CP: variants seen among roughly 807,000 people sequenced by gnomAD.
CP encodes the protein caeruloplasmin.
CP carries 64 observed loss-of-function variants against 122.4 expected under a neutral mutation model. The ratio of observed to expected loss-of-function variants is 0.52; its 90% CI spans 0.43 to 0.64. The LOEUF (loss-of-function observed/expected upper bound fraction) is 0.64. Ranked by LOEUF, CP falls within the 30% of genes least tolerant of loss-of-function variation. The probability of loss-of-function intolerance (pLI) is 0.00; values close to 1 mark genes in which losing one functional copy is unlikely to be tolerated. For missense variants in CP, 1,167 were observed against 1,284.4 expected, an observed-to-expected ratio of 0.91 and a Z score of 1.40; for synonymous variants, 440 against 436.4, an observed-to-expected ratio of 1.01 and a Z score of -0.10.
rs747953840 is a variant in CP at position 149,212,456 on chromosome 3, T to C, written c.389A>G (p.His130Arg). ...GCTACATGAGCTGAACTTACCCTCA[T>C]GTTCCTTATAGTAAGTTATTCCATG... ...HSHGITYYKE[H>R]EGAIYPDNTT... The change falls in exon 2 of 19, where the codon CAT (histidine) becomes CGT (arginine). Residue 130 changes from histidine (H) to arginine (R), a missense_variant. Physicochemically the swap from His to Arg is conservative, Grantham distance 29. Coordinates refer to ENST00000264613, the MANE Select transcript of CP (RefSeq NM_000096.4). 1.2e-6 allele frequency: 2 copies of C among 1,613,986 alleles called. No homozygotes were observed. Among genetic ancestry groups the C allele is most frequent in the South Asian group, 1.1e-5 (1 of 91,032 alleles).
In CP at chr3:149,206,188, T is replaced by C. The variant is rs928128624; in HGVS notation, c.1188A>G (p.Glu396=). ...APSGIDIFTK[E]NLTAPGSDSA... is the part of the protein sequence containing the mutation. ...ATTACCTTCCAGGTGCTGTTAAGTT[T>C]TCTTTAGTGAAGATGTCTATACCAG... Residue 396 remains glutamate, a synonymous_variant, in exon 6 of 19, where the codon GAA becomes GAG. Transcript: ENST00000264613. 4.3e-6 allele frequency: 7 copies of C among 1,613,878 alleles called. No homozygotes were observed. The highest frequency in any genetic ancestry group is 5.9e-6 in the Non-Finnish European group (7 of 1,179,858).
intron 4 of CP, among the ~76,000 whole-genome samples, chr3:149,208,735 C>T (rs1318949419): frequency 6.6e-6 from 1 of 152,072 alleles, no homozygotes; most frequent in East Asian, 1.9e-4. Flanking sequence ...GTAAAGTGAA[C>T]TGAAATGTAG....
At chr3:149,167,329 T>G in intron 4 of CP, 2 of 1,012,678 alleles carry the variant, frequency 2.0e-6, no homozygotes, top group Middle Eastern at 3.0e-4. Context: ...TGGGGACAAT[T>G]TATGCTAATC....
At chr3:149,212,388 G>A in intron 2 of CP, 63 bp downstream of exon 2, 5 of 1,587,382 alleles carry the variant, frequency 3.1e-6, no homozygotes, top group Non-Finnish European at 3.5e-6. Context: ...CACAATTTTA[G>A]AAGCTAAAAG....
chr3:149,172,328 A>T (rs1345370090), downstream of CP: 2 of 675,272 alleles, frequency 3.0e-6, no homozygotes, highest in Non-Finnish European at 5.2e-6. Flanking sequence ...TCACACACAC[A>T]CACACACACA....
intron 3 of CP, among the ~76,000 whole-genome samples, chr3:149,209,815 T>C (rs1727986466): frequency 6.6e-6 from 1 of 152,226 alleles, no homozygotes; most frequent in Admixed American, 6.5e-5. Flanking sequence ...ACCAATATAG[T>C]ATGAGTAACT....
chr3:149,195,285 A>G (rs1032843708), intron 9 of CP, among the ~76,000 whole-genome samples: 6 of 152,246 alleles, frequency 3.9e-5, no homozygotes, highest in African/African-American at 1.4e-4. Context: ...ACAAAACTGT[A>G]TAAGCATTTA....
intron 18 of CP, among the ~76,000 whole-genome samples, chr3:149,174,139 T>C (rs555141148): frequency 6.6e-6 from 1 of 152,242 alleles, no homozygotes; most frequent in Non-Finnish European, 1.5e-5. Flanking sequence ...TAAGGAAACA[T>C]TAGACAAACT....
chr3:149,182,994 T>C (rs765913969), intron 13 of CP, among the ~76,000 whole-genome samples: 1 of 151,878 alleles, frequency 6.6e-6, no homozygotes, highest in African/African-American at 2.4e-5. Context: ...CTACTAAAAA[T>C]ACAAAAATTA....
chr3:149,181,891 C>T, intron 14 of CP, 114 bp downstream of exon 14: 2 of 1,231,602 alleles, frequency 1.6e-6, no homozygotes, highest in South Asian at 1.2e-5. Flanking sequence ...CCCCTCTTCA[C>T]AACTACCTCC....
chr3:149,206,979 G>A (rs34091282), intron 5 of CP, among the ~76,000 whole-genome samples: 1,751 of 152,240 alleles, frequency 0.012, 25 homozygotes, highest in African/African-American at 0.04. Flanking sequence ...TAAACTAAGG[G>A]ATGGCCAGGC....
At chr3:149,186,318 T>C in intron 11 of CP, 2 of 610,498 alleles carry the variant, frequency 3.3e-6, no homozygotes, top group South Asian at 3.8e-5. Context: ...TTACTCCACA[T>C]TGTCCTCAGT....
rs138512757 is a variant in CP at position 149,212,596 on chromosome 3, A to G, written c.249T>C (p.Thr83=). 256 of 1,614,022 alleles carry G rather than the reference A, an allele frequency of 1.6e-4. No individual in the cohort carries two copies. In the African/African-American group the frequency reaches 1.8e-3, roughly 11 times the overall value. ...LQYTDETFRT[T]IEKPVWLGFL... ...ACCCAAGCCAGACCGGTTTTTCTAT[A>G]GTTGTCCTAAAGGTTTCATCTGTGT... The change falls in exon 2 of 19, where the codon ACT becomes ACC. Residue 83 remains threonine (T), a synonymous_variant. Transcript: ENST00000264613.
At chr3:149,204,656 T>C (rs1479716849) in intron 6 of CP, among the ~76,000 whole-genome samples, 1 of 152,182 alleles carries the variant, frequency 6.6e-6, no homozygotes, top group East Asian at 1.9e-4. Context: ...TTGGATGAAT[T>C]ACTTAACCTT....
downstream of CP, chr3:149,172,318 T>TCACACACACACACACACACACACACACA (rs113015797): frequency 1.9e-6 from 1 of 532,656 alleles, no homozygotes; most frequent in African/African-American, 2.1e-5. Flanking sequence ...ATTTTATATA[T>TCACACACACACACACACACACACACACA]CACACACACA....
At chr3:149,193,778 G>A (rs541320342) in intron 9 of CP, among the ~76,000 whole-genome samples, 1 of 152,030 alleles carries the variant, frequency 6.6e-6, no homozygotes, top group Non-Finnish European at 1.5e-5. Context: ...CAAAAAGAAA[G>A]AATGCAACCC....
In CP at chr3:149,182,086, T is replaced by A. The variant is rs1576734749; in HGVS notation, c.2473A>T (p.Lys825Ter). The A allele has an allele frequency of 6.2e-7, 1 of 1,613,236 alleles. No individual in the cohort carries two copies. Among genetic ancestry groups the A allele is most frequent in the African/African-American group, 1.3e-5 (1 of 74,794 alleles). Residue 825 changes from lysine to a stop codon, truncating the protein, a stop_gained, in exon 14 of 19, where the codon AAA (lysine) becomes TAA (stop). Transcript: ENST00000264613. LOFTEE classifies it high-confidence loss of function. ...GAGTAGGGCCTTGTGGCCATGTTTT[T>A]AAAGATAATTTTGACTTTGTCTCCA... ...DVGDKVKIIF[K>*]NMATRPYSIH...
At chr3:149,192,950 TAAG>T (rs1380340863) in intron 9 of CP, among the ~76,000 whole-genome samples, 7 of 150,388 alleles carry the variant, frequency 4.7e-5, no homozygotes, top group East Asian at 2.0e-4. Flanking sequence ...TGCAACCACA[TAAG>T]AAGTACATTT....
At chr3:149,176,499 GA>G (rs971732427) in intron 17 of CP, 87 bp from the exon 18 acceptor site, 2 of 1,042,814 alleles carry the variant, frequency 1.9e-6, no homozygotes, top group Non-Finnish European at 2.9e-6. Context: ...CAGGGATATT[GA>G]AAAAATGGAT....
Sources: gnomAD v4.1 joint callset for allele counts (sites outside exome capture counted in the v4.1 genomes callset) on GRCh38, gnomAD v4.1.1 for gene constraint, MANE v1.5 for transcripts, NCBI Gene and HGNC (gene_info 2026-07-23, HGNC 2026-07-21) for gene names.